XPNPEP3: variants seen among roughly 807,000 people sequenced by gnomAD.
The protein encoded by XPNPEP3 is X-prolyl aminopeptidase 3.
A neutral mutation model predicts 60.0 loss-of-function variants in XPNPEP3; 41 were observed. That is an observed-to-expected ratio of 0.68 (90% CI 0.53 to 0.89). The LOEUF (loss-of-function observed/expected upper bound fraction) is 0.89. Ranked by LOEUF, XPNPEP3 falls within the 40% of genes least tolerant of loss-of-function variation. The pLI, the probability that XPNPEP3 is intolerant of heterozygous loss-of-function variation, is 0.00. For missense variants in XPNPEP3, 598 were observed against 638.9 expected, an observed-to-expected ratio of 0.94 and a Z score of 0.69; for synonymous variants, 212 against 223.2, an observed-to-expected ratio of 0.95 and a Z score of 0.45.
intron 1 of XPNPEP3, among the ~76,000 whole-genome samples, chr22:40,863,792 G>A (rs904648314): frequency 6.6e-6 from 1 of 152,184 alleles, no homozygotes; most frequent in South Asian, 2.1e-4. Context: ...GAAAACAGAC[G>A]TTCTGAGAGA....
chr22:40,897,030 T>TG (rs2058111056), intron 4 of XPNPEP3, among the ~76,000 whole-genome samples: 1 of 52,470 alleles, frequency 1.9e-5, no homozygotes, highest in Non-Finnish European at 5.4e-5. Context: ...TTCCTTCATC[T>TG]TTTTTTTTTT....
chr22:40,878,365 T>C (rs192528073), intron 2 of XPNPEP3, among the ~76,000 whole-genome samples: 1 of 152,248 alleles, frequency 6.6e-6, no homozygotes, highest in Admixed American at 6.5e-5. Flanking sequence ...TGTAGTCAAT[T>C]GTATGAAATT....
At chr22:40,864,868 G>A (rs181717417) in intron 1 of XPNPEP3, among the ~76,000 whole-genome samples, 2 of 152,306 alleles carry the variant, frequency 1.3e-5, no homozygotes, top group East Asian at 3.9e-4. Context: ...ATGTAGCCCA[G>A]TAGGTCTTAG....
At chr22:40,898,800 TG>T (rs770194303) in intron 4 of XPNPEP3, among the ~76,000 whole-genome samples, 6 of 152,164 alleles carry the variant, frequency 3.9e-5, no homozygotes, top group South Asian at 2.1e-4. Context: ...ATTCATAACC[TG>T]GGTGAGGGGT....
At chr22:40,890,158 A>C (rs1601504208) in intron 4 of XPNPEP3, among the ~76,000 whole-genome samples, 1 of 152,162 alleles carries the variant, frequency 6.6e-6, no homozygotes, top group East Asian at 1.9e-4. Context: ...TAAGCTCCTA[A>C]AATATTAATT....
chr22:40,860,655 CCT>C, intron 1 of XPNPEP3: 2 of 1,289,064 alleles, frequency 1.6e-6, no homozygotes, highest in Admixed American at 2.5e-5. Flanking sequence ...TTTCCAAATT[CCT>C]TTTTTTTTTT....
chr22:40,894,104 T>TTG (rs2058099065), intron 4 of XPNPEP3, among the ~76,000 whole-genome samples: 1 of 152,110 alleles, frequency 6.6e-6, no homozygotes, highest in African/African-American at 2.4e-5. Context: ...GGCCAGGAGT[T>TTG]AGAAGCTATA....
intron 2 of XPNPEP3, among the ~76,000 whole-genome samples, chr22:40,871,830 C>T (rs921775208): frequency 2.0e-5 from 3 of 152,060 alleles, no homozygotes; most frequent in African/African-American, 2.4e-5. Context: ...GTCAGGAGTT[C>T]GAGACCAGCC....
At chr22:40,858,261 C>G (rs897382287) in intron 1 of XPNPEP3, among the ~76,000 whole-genome samples, 1 of 152,006 alleles carries the variant, frequency 6.6e-6, no homozygotes, top group East Asian at 1.9e-4. Context: ...CGTGTGCCAC[C>G]ACGCCTGGCT....
chr22:40,883,067 A>G (rs772552141), intron 3 of XPNPEP3, among the ~76,000 whole-genome samples: 3 of 152,148 alleles, frequency 2.0e-5, no homozygotes, highest in African/African-American at 4.8e-5. Context: ...CAAAAAATAA[A>G]TAAATTAAGG....
intron 1 of XPNPEP3, chr22:40,861,241 G>A (rs760250340): frequency 6.2e-7 from 1 of 1,614,154 alleles, no homozygotes; most frequent in Non-Finnish European, 8.5e-7. Context: ...TTGGAGCTGT[G>A]AGAATTTGGT....
intron 4 of XPNPEP3, among the ~76,000 whole-genome samples, chr22:40,895,995 T>C (rs1195010867): frequency 6.6e-6 from 1 of 152,194 alleles, no homozygotes; most frequent in Non-Finnish European, 1.5e-5. Flanking sequence ...GTTCTTCATC[T>C]CTTACCATGC....
chr22:40,901,721 C>T (rs879481658), intron 4 of XPNPEP3, among the ~76,000 whole-genome samples: 10 of 151,788 alleles, frequency 6.6e-5, no homozygotes, highest in Middle Eastern at 3.2e-3. Flanking sequence ...GCAATCCACC[C>T]ACCAAAGTGC....
intron 4 of XPNPEP3, among the ~76,000 whole-genome samples, chr22:40,888,910 A>C (rs1451508900): frequency 6.6e-6 from 1 of 152,028 alleles, no homozygotes; most frequent in African/African-American, 2.4e-5. Context: ...GCCAATCCTA[A>C]TGTGTGTGAA....
chr22:40,922,197 T>C (rs2146280643), intron 7 of XPNPEP3, 136 bp from the exon 8 acceptor site: 1 of 981,964 alleles, frequency 1.0e-6, no homozygotes, highest in Non-Finnish European at 1.5e-6. Flanking sequence ...GCCATATTGA[T>C]AGATTGGTAC....
At position 40,881,761 on chromosome 22, in the gene XPNPEP3, C is replaced by G; in HGVS notation, c.182-9C>G. 2.5e-6 allele frequency: 4 copies of G among 1,613,910 alleles called. No homozygotes were observed. The highest frequency in any genetic ancestry group is 3.4e-6 in the Non-Finnish European group (4 of 1,179,868). On this transcript the variant is annotated splice_polypyrimidine_tract_variant and intron_variant, in intron 2 of 9. Transcript: ENST00000357137. ...AATGTAAAGCATCCCTTTTATTTGT[C>G]ATTTCTAGGGGAGGTAACTCCAGGA...
Position 40,860,658 on chromosome 22 carries a change from T to C in XPNPEP3, c.64+3413T>C. On this transcript the variant is annotated intron_variant, in intron 1 of 9. Coordinates refer to ENST00000357137, the MANE Select transcript of XPNPEP3 (RefSeq NM_022098.4). ...ACTCATTGCAGTTTTCCAAATTCCT[T>C]TTTTTTTTTTTTAAGACAGGGTCTT... 8.5e-6 allele frequency: 6 copies of C among 704,946 alleles called. No individual in the cohort carries two copies. The East Asian group carries it at 1.7e-4, about 20-fold the overall frequency. The allele number at this position is 704,946 out of a possible 1,614,324, so 43.7% of individuals were successfully genotyped here.
Position 40,926,606 on chromosome 22 carries a change from T to A in XPNPEP3, c.*171T>A. The A allele has an allele frequency of 1.3e-6, 1 of 793,254 alleles. No individual in the cohort carries two copies. The highest frequency in any genetic ancestry group is 1.5e-5 in the South Asian group (1 of 65,544). 49.1% of individuals were successfully genotyped at this position (793,254 alleles called of 1,614,324 possible). ...TGTGTGGGGGGTTTTTTGTTTTAAG[T>A]AGTTAGAAGTCTGGGAAAATGAATT... On this transcript the variant is annotated 3_prime_UTR_variant, in exon 10 of 10. Coordinates refer to ENST00000357137, the MANE Select transcript of XPNPEP3 (RefSeq NM_022098.4).
At chr22:40,870,496 G>T (rs569383536) in intron 2 of XPNPEP3, among the ~76,000 whole-genome samples, 3 of 152,048 alleles carry the variant, frequency 2.0e-5, no homozygotes, top group Non-Finnish European at 4.4e-5. Context: ...TCTCCTAGAC[G>T]TGGGATTTTG....
Sources: gnomAD v4.1 joint callset for allele counts (sites outside exome capture counted in the v4.1 genomes callset) on GRCh38, gnomAD v4.1.1 for gene constraint, MANE v1.5 for transcripts, NCBI Gene and HGNC (gene_info 2026-07-23, HGNC 2026-07-21) for gene names.